Variants in ARHGAP18 observed in about 807,000 individuals in gnomAD.
The protein encoded by ARHGAP18 is rho GTPase-activating protein 18.
ARHGAP18 carries 67 observed loss-of-function variants against 86.2 expected under a neutral mutation model. The ratio of observed to expected loss-of-function variants is 0.78; its 90% CI spans 0.64 to 0.95. The LOEUF (loss-of-function observed/expected upper bound fraction) is 0.95, where lower values mean the gene tolerates loss of function less well. ARHGAP18 is among the 40% of genes least tolerant of loss of function. The pLI, the probability that ARHGAP18 is intolerant of heterozygous loss-of-function variation, is 0.00. For synonymous variants in ARHGAP18, 283 were observed against 280.4 expected (o/e 1.01, Z -0.09); for missense variants, 691 against 780.4 (o/e 0.89, Z 1.37).
intron 5 of ARHGAP18, 102 bp downstream of exon 5, chr6:129,629,251 A>AC: frequency 1.4e-6 from 1 of 738,854 alleles, no homozygotes. Flanking sequence ...CTCTCTCTAT[A>AC]TATATATATA....
At chr6:129,582,478 G>A (rs1788308214) in intron 13 of ARHGAP18, among the ~76,000 whole-genome samples, 1 of 152,156 alleles carries the variant, frequency 6.6e-6, no homozygotes, top group South Asian at 2.1e-4. Flanking sequence ...TCAGGTACAC[G>A]TTCTGGGAGA....
In ARHGAP18 at chr6:129,609,070, G is replaced by GGA. The variant is rs533944597; in HGVS notation, c.1123-1020_1123-1019dup. Reference sequence around the variant, plus strand: ...GTGGGAGATAGGGAGGGAAGGAAGAGGAGAGAGAGGGGGCATGGAGGGAAA... The same window carrying GGA: ...GTGGGAGATAGGGAGGGAAGGAAGAGGAGAGAGAGAGGGGGCATGGAGGGAAA... On this transcript the variant is annotated intron_variant, in intron 8 of 14. Transcript: ENST00000368149. Among the ~76,000 whole-genome samples, 113 of 145,850 alleles carry GGA rather than the reference G, an allele frequency of 7.7e-4. 1 individual carries two copies. The South Asian group carries it at 0.026, about 34-fold the overall frequency.
At position 129,618,866 on chromosome 6, in the gene ARHGAP18, C is replaced by T; in HGVS notation, c.787-14G>A. 6.2e-7 allele frequency: 1 copy of T among 1,607,594 alleles called. No individual in the cohort carries two copies. Among genetic ancestry groups the T allele is most frequent in the African/African-American group, 1.3e-5 (1 of 74,678 alleles). Reference sequence around the variant, plus strand: ...CAATCTGAAACTCTAAAATAAACATCATTAATATAGTAAAAGCTTACAGTA... The same window carrying T: ...CAATCTGAAACTCTAAAATAAACATTATTAATATAGTAAAAGCTTACAGTA... On this transcript the variant is annotated splice_polypyrimidine_tract_variant and intron_variant, in intron 5 of 14. Transcript: ENST00000368149.
intron 1 of ARHGAP18, among the ~76,000 whole-genome samples, chr6:129,659,918 A>C (rs998469656): frequency 6.6e-6 from 1 of 152,164 alleles, no homozygotes; most frequent in Non-Finnish European, 1.5e-5. Context: ...ACCAGGTAGA[A>C]CGTGATGAGA....
At chr6:129,642,827 G>A (rs375809985) in intron 1 of ARHGAP18, among the ~76,000 whole-genome samples, 69 of 152,174 alleles carry the variant, frequency 4.5e-4, no homozygotes, top group Middle Eastern at 6.8e-3. Context: ...TAAGTTTGCT[G>A]TTATAATCTA....
chr6:129,664,408 AG>A (rs748371979), intron 1 of ARHGAP18, among the ~76,000 whole-genome samples: 36 of 152,008 alleles, frequency 2.4e-4, no homozygotes, highest in Non-Finnish European at 4.4e-4. Flanking sequence ...TGGCTACTTA[AG>A]GTTTTTTTTT....
In ARHGAP18 at chr6:129,641,900, A is replaced by G. The variant is rs754273630; in HGVS notation, c.232T>C (p.Tyr78His). 2 of 1,613,796 alleles carry G rather than the reference A, an allele frequency of 1.2e-6. No homozygotes were observed. Residue 78 changes from tyrosine to histidine, a missense_variant, in exon 2 of 15, where the codon TAT (tyrosine) becomes CAT (histidine). Tyr to His is a moderately conservative substitution (Grantham distance 83, BLOSUM62 2). Transcript: ENST00000368149. ...TTGATGTTTTCTAGTTCTATCCAAT[A>G]GTCTTCCATAGATAGTTCATCCAAA... Reference protein sequence around the residue: ...DSLDELSMEDYWIELENIKKS... With the variant: ...DSLDELSMEDHWIELENIKKS...
chr6:129,604,645 C>T (rs1426379198), intron 10 of ARHGAP18, among the ~76,000 whole-genome samples: 31 of 152,290 alleles, frequency 2.0e-4, no homozygotes, highest in African/African-American at 7.5e-4. Context: ...CACACTTACA[C>T]AGTAGCCCTG....
intron 2 of ARHGAP18, among the ~76,000 whole-genome samples, chr6:129,640,889 T>C (rs529101855): frequency 3.9e-5 from 6 of 152,278 alleles, no homozygotes; most frequent in South Asian, 4.1e-4. Flanking sequence ...GAATTGGACA[T>C]GAAAAACTTA....
At chr6:129,632,773 A>C (rs1773246236) in intron 4 of ARHGAP18, among the ~76,000 whole-genome samples, 2 of 152,214 alleles carry the variant, frequency 1.3e-5, no homozygotes, top group Admixed American at 1.3e-4. Context: ...ATTATCTTTA[A>C]GGCAGGGGTG....
intron 1 of ARHGAP18, among the ~76,000 whole-genome samples, chr6:129,677,514 CTCACTT>C (rs1419301541): frequency 2.4e-4 from 37 of 152,206 alleles, no homozygotes; most frequent in African/African-American, 8.0e-4. Flanking sequence ...TTGGTGCACT[CTCACTT>C]TCACTGAGTA....
intron 1 of ARHGAP18, among the ~76,000 whole-genome samples, chr6:129,655,629 C>T (rs963298856): frequency 1.3e-5 from 2 of 150,356 alleles, no homozygotes; most frequent in African/African-American, 4.9e-5. Context: ...TGTTTGAGGG[C>T]CAATTGTTAA....
At chr6:129,707,356 T>C (rs1302491260) in intron 1 of ARHGAP18, among the ~76,000 whole-genome samples, 2 of 152,196 alleles carry the variant, frequency 1.3e-5, no homozygotes, top group African/African-American at 4.8e-5. Context: ...TCAAAGAACA[T>C]ATTACTTACA....
At chr6:129,655,818 A>G (rs1378976216) in intron 1 of ARHGAP18, among the ~76,000 whole-genome samples, 3 of 152,250 alleles carry the variant, frequency 2.0e-5, no homozygotes, top group Non-Finnish European at 4.4e-5. Context: ...TTTACTGGAC[A>G]ATGCCTACAT....
intron 1 of ARHGAP18, among the ~76,000 whole-genome samples, chr6:129,677,388 G>A (rs1339873687): frequency 6.9e-5 from 10 of 144,500 alleles, no homozygotes; most frequent in African/African-American, 2.5e-4. Flanking sequence ...GCGAGACTCC[G>A]TCTCAAAAAA....
intron 1 of ARHGAP18, among the ~76,000 whole-genome samples, chr6:129,701,092 G>C (rs1774702551): frequency 6.6e-6 from 1 of 151,852 alleles, no homozygotes; most frequent in South Asian, 2.1e-4. Flanking sequence ...AAACTCAAAA[G>C]TTTACTATGA....
intron 1 of ARHGAP18, among the ~76,000 whole-genome samples, chr6:129,654,420 T>G (rs374433017): frequency 1.4e-4 from 22 of 152,266 alleles, no homozygotes; most frequent in Middle Eastern, 3.4e-3. Flanking sequence ...TCCTGATCCT[T>G]AAGAAATATC....
intron 1 of ARHGAP18, among the ~76,000 whole-genome samples, chr6:129,697,545 C>G (rs1774641267): frequency 6.6e-6 from 1 of 152,048 alleles, no homozygotes; most frequent in Admixed American, 6.6e-5. Context: ...CCACTTCATT[C>G]ATTTACTACC....
chr6:129,642,969 T>A (rs934375100), intron 1 of ARHGAP18, among the ~76,000 whole-genome samples: 2 of 152,130 alleles, frequency 1.3e-5, no homozygotes, highest in African/African-American at 4.8e-5. Context: ...AACATTTCTC[T>A]CTCAGATATT....
Sources: gnomAD v4.1 joint callset for allele counts (sites outside exome capture counted in the v4.1 genomes callset) on GRCh38, gnomAD v4.1.1 for gene constraint, MANE v1.5 for transcripts, NCBI Gene and HGNC (gene_info 2026-07-23, HGNC 2026-07-21) for gene names.